Variants in BCLAF1 observed in about 807,000 individuals in gnomAD.
The protein encoded by BCLAF1 is bcl-2-associated transcription factor 1.
A neutral mutation model predicts 99.5 loss-of-function variants in BCLAF1; 10 were observed. That is an observed-to-expected ratio of 0.10 (90% CI 0.06 to 0.17). BCLAF1 has a LOEUF of 0.17. BCLAF1 is among the 10% of genes least tolerant of loss of function. The pLI is 1.00. For missense variants in BCLAF1, 636 were observed against 1,105.8 expected (o/e 0.58, Z 6.02); for synonymous variants, 255 against 370.9 (o/e 0.69, Z 3.59).
intron 11 of BCLAF1, among the ~76,000 whole-genome samples, chr6:136,261,969 A>C (rs1382628201): frequency 6.6e-6 from 1 of 152,154 alleles, no homozygotes; most frequent in Non-Finnish European, 1.5e-5. Context: ...GTAGATTTTA[A>C]ATCTACTGAG....
At chr6:136,269,814 G>A (rs915474663) in intron 8 of BCLAF1, 2 of 399,562 alleles carry the variant, frequency 5.0e-6, no homozygotes, top group Non-Finnish European at 8.7e-6. Flanking sequence ...TGTATACAAA[G>A]TGCAGTGGGA....
chr6:136,272,207 T>G, intron 7 of BCLAF1, 128 bp from the exon 8 acceptor site: 1 of 598,130 alleles, frequency 1.7e-6, no homozygotes, highest in East Asian at 3.0e-5. Flanking sequence ...ACACCAAGAC[T>G]ATTAATTTAG....
rs6919254 is a variant in BCLAF1, at chr6:136,278,266, T to A, written c.615A>T (p.Ser205=). 6 of 1,450,544 alleles carry A rather than the reference T, an allele frequency of 4.1e-6. No homozygotes were observed. In the South Asian group the frequency reaches 5.0e-5, roughly 12 times the overall value. The allele number at this position is 1,450,544 out of a possible 1,614,324, so 89.9% of individuals were successfully genotyped here. Residue 205 remains serine (S), a synonymous_variant, in exon 4 of 13, where the codon TCA becomes TCT. Coordinates refer to ENST00000531224, the MANE Select transcript of BCLAF1 (RefSeq NM_014739.3). ...GCCAAATATCACCGGATGTGGCTGA[T>A]GACTTATTAAATTCATCGATAGACT... is the stretch of plus-strand genomic sequence containing the variant. ...PSESIDEFNK[S]SATSGDIWPG...
chr6:136,258,631 C>G lies in BCLAF1; in HGVS notation c.*2479G>C, dbSNP rs1426851135. The G allele has an allele frequency of 1.3e-5, 2 of 152,448 alleles. No individual in the cohort carries two copies. The highest frequency in any genetic ancestry group is 2.9e-5 in the Non-Finnish European group (2 of 67,910). 9.4% of individuals were successfully genotyped at this position (152,448 alleles called of 1,614,324 possible). On this transcript the variant is annotated 3_prime_UTR_variant, in exon 13 of 13. Transcript: ENST00000531224. ...TTGGCGTATGACAATTTACAAGGGT[C>G]CCTGTTGCATCATTATACATCACAC...
intron 11 of BCLAF1, among the ~76,000 whole-genome samples, chr6:136,265,287 C>T (rs1781563840): frequency 6.6e-6 from 1 of 152,104 alleles, no homozygotes; most frequent in Non-Finnish European, 1.5e-5. Flanking sequence ...ATCTGAATTA[C>T]CAACTATCCA....
chr6:136,268,412 G>A lies in BCLAF1; in HGVS notation c.2220-73C>T, dbSNP rs749691865. On this transcript the variant is annotated intron_variant, in intron 9 of 12. Coordinates refer to ENST00000531224, the MANE Select transcript of BCLAF1 (RefSeq NM_014739.3). Reference sequence around the variant, plus strand: ...GACCCTGCTGAATCTTACAACAGAAGAGATATTTTTCAAGTCAACAACACT... The same window carrying A: ...GACCCTGCTGAATCTTACAACAGAAAAGATATTTTTCAAGTCAACAACACT... 21 of 1,355,982 alleles carry A rather than the reference G, an allele frequency of 1.5e-5. No homozygotes were observed. The African/African-American group carries it at 2.9e-4, about 19-fold the overall frequency. The allele number at this position is 1,355,982 out of a possible 1,614,324, so 84.0% of individuals were successfully genotyped here. A position where few individuals can be genotyped will look rare whatever the true frequency, so the allele number is the denominator to read the frequency against.
chr6:136,257,604 TA>T lies in BCLAF1; in HGVS notation c.*3505del, dbSNP rs1418668940. ...TACTAATTTTTAGTATCTACCCCAA[TA>T]AAATTTGAAACATTTAATAATAGTA... On this transcript the variant is annotated 3_prime_UTR_variant, in exon 13 of 13. Coordinates refer to ENST00000531224, the MANE Select transcript of BCLAF1 (RefSeq NM_014739.3). The T allele has an allele frequency of 6.6e-6, 1 of 152,202 alleles. No individual in the cohort carries two copies. Among genetic ancestry groups the T allele is most frequent in the Non-Finnish European group, 1.5e-5 (1 of 68,006 alleles). 9.4% of individuals were successfully genotyped at this position (152,202 alleles called of 1,614,324 possible). A position where few individuals can be genotyped will look rare whatever the true frequency, so the allele number is the denominator to read the frequency against.
chr6:136,284,778 G>A (rs1245321602), intron 1 of BCLAF1, among the ~76,000 whole-genome samples: 1 of 152,094 alleles, frequency 6.6e-6, no homozygotes, highest in Non-Finnish European at 1.5e-5. Context: ...AGCTTTCAGA[G>A]AGGGGAAGAC....
chr6:136,285,335 T>C (rs1474011120), intron 1 of BCLAF1, among the ~76,000 whole-genome samples: 2 of 152,176 alleles, frequency 1.3e-5, no homozygotes, highest in African/African-American at 4.8e-5. Flanking sequence ...GAAAAATCAC[T>C]AGTGCCCTTA....
rs1159901815 is a variant in BCLAF1, at chr6:136,258,249, T to G, written c.*2861A>C. The G allele has an allele frequency of 2.0e-5, 3 of 152,124 alleles. No individual in the cohort carries two copies. The highest frequency in any genetic ancestry group is 2.9e-5 in the Non-Finnish European group (2 of 67,948). 9.4% of individuals were successfully genotyped at this position (152,124 alleles called of 1,614,324 possible). A position where few individuals can be genotyped will look rare whatever the true frequency, so the allele number is the denominator to read the frequency against. The stretch of plus-strand genomic sequence containing the variant: ...AGAAAGAGAAGTAATCACCATATTA[T>G]GGGTGATAAGGTCCCAGATTAACGT... On this transcript the variant is annotated 3_prime_UTR_variant, in exon 13 of 13. Coordinates refer to ENST00000531224, the MANE Select transcript of BCLAF1 (RefSeq NM_014739.3).
At chr6:136,269,220 A>ATTT in intron 9 of BCLAF1, 1 of 1,350,066 alleles carries the variant, frequency 7.4e-7, no homozygotes, top group Non-Finnish European at 9.7e-7. Context: ...TTAATTTGTC[A>ATTT]TTTTTTTTTT....
chr6:136,288,742 C>T (rs1261012735), intron 1 of BCLAF1, among the ~76,000 whole-genome samples: 1 of 152,178 alleles, frequency 6.6e-6, no homozygotes, highest in Non-Finnish European at 1.5e-5. Flanking sequence ...ATCTTAAAAG[C>T]GAATCAAGCC....
intron 11 of BCLAF1, among the ~76,000 whole-genome samples, chr6:136,262,987 C>A (rs915408780): frequency 1.3e-5 from 2 of 152,056 alleles, no homozygotes; most frequent in African/African-American, 4.8e-5. Flanking sequence ...AGGAAGTGCC[C>A]GGCCCAGTGT....
rs1340002124 is a variant in BCLAF1, at chr6:136,260,486, A to G, written c.*624T>C. The G allele has an allele frequency of 2.6e-5, 4 of 152,158 alleles. No homozygotes were observed. In the East Asian group the frequency reaches 7.7e-4, roughly 29 times the overall value. The allele number at this position is 152,158 out of a possible 1,614,324, so 9.4% of individuals were successfully genotyped here. A position where few individuals can be genotyped will look rare whatever the true frequency, so the allele number is the denominator to read the frequency against. On this transcript the variant is annotated 3_prime_UTR_variant, in exon 13 of 13. Transcript: ENST00000531224. ...TCAGTAAAAATAACATTTTCTCAAAACTTTTCAATCTGATTTTTAATAGCT... is the reference window on the plus strand; with the variant it reads ...TCAGTAAAAATAACATTTTCTCAAAGCTTTTCAATCTGATTTTTAATAGCT...
At chr6:136,268,577 A>G in intron 9 of BCLAF1, 1 of 408,964 alleles carries the variant, frequency 2.4e-6, no homozygotes, top group East Asian at 4.7e-5. Flanking sequence ...AGTAGTCTGT[A>G]AAGGTCAAGA....
Position 136,282,690 on chromosome 6 carries a change from A to G in BCLAF1, c.-114-3T>C, listed in dbSNP as rs199645063. ...AATTAAACTCTAAATTCGAATTCCT[A>G]GCAAAGACAAAAAAACCATTATTGT... On this transcript the variant is annotated splice_polypyrimidine_tract_variant and splice_region_variant and intron_variant, in intron 1 of 12. Coordinates refer to ENST00000531224, the MANE Select transcript of BCLAF1 (RefSeq NM_014739.3). 6.6e-6 allele frequency: 1 copy of G among 152,200 alleles called. No homozygotes were observed. The highest frequency in any genetic ancestry group is 2.4e-5 in the African/African-American group (1 of 41,444). 9.4% of individuals were successfully genotyped at this position (152,200 alleles called of 1,614,324 possible).
Position 136,259,562 on chromosome 6 carries a change from A to AT in BCLAF1, c.*1547dup, listed in dbSNP as rs1491447237. On this transcript the variant is annotated 3_prime_UTR_variant, in exon 13 of 13. Coordinates refer to ENST00000531224, the MANE Select transcript of BCLAF1 (RefSeq NM_014739.3). Reference sequence around the variant, plus strand: ...CTTTAATAGACAATTTTAGAAAGACATGTTAACGGGGGAAAATCACACAAT... The same window carrying AT: ...CTTTAATAGACAATTTTAGAAAGACATTGTTAACGGGGGAAAATCACACAAT... The AT allele has an allele frequency of 6.6e-6, 1 of 151,824 alleles. No individual in the cohort carries two copies. The highest frequency in any genetic ancestry group is 1.5e-5 in the Non-Finnish European group (1 of 67,912). 9.4% of individuals were successfully genotyped at this position (151,824 alleles called of 1,614,324 possible).
At chr6:136,267,739 T>C (rs1359515514) in intron 10 of BCLAF1, among the ~76,000 whole-genome samples, 1 of 151,998 alleles carries the variant, frequency 6.6e-6, no homozygotes, top group Non-Finnish European at 1.5e-5. Context: ...ATGATTTCTA[T>C]GATTGATACC....
Position 136,260,925 on chromosome 6 carries a change from T to C in BCLAF1, c.*185A>G, listed in dbSNP as rs184151570. ...GTAACAATTTTCTACTTTATTTCAGTACAATTTTCAACATACAGTCTACTA... is the reference window on the plus strand; with the variant it reads ...GTAACAATTTTCTACTTTATTTCAGCACAATTTTCAACATACAGTCTACTA... On this transcript the variant is annotated 3_prime_UTR_variant, in exon 13 of 13. Transcript: ENST00000531224. The C allele has an allele frequency of 5.2e-6, 3 of 581,768 alleles. No individual in the cohort carries two copies. In the East Asian group the frequency reaches 9.5e-5, roughly 18 times the overall value. The allele number at this position is 581,768 out of a possible 1,614,324, so 36.0% of individuals were successfully genotyped here.
Sources: gnomAD v4.1 joint callset for allele counts (sites outside exome capture counted in the v4.1 genomes callset) on GRCh38, gnomAD v4.1.1 for gene constraint, MANE v1.5 for transcripts, NCBI Gene and HGNC (gene_info 2026-07-23, HGNC 2026-07-21) for gene names.